FARS2: variants seen among roughly 807,000 people sequenced by gnomAD.
FARS2 encodes phenylalanine--tRNA ligase, mitochondrial.
In FARS2, 40 loss-of-function variants were observed where a neutral mutation model predicts 46.4. The ratio of observed to expected loss-of-function variants is 0.86; its 90% CI spans 0.67 to 1.12. FARS2 has a LOEUF of 1.12. Among genes scored for constraint, FARS2 ranks in the 50% most tolerant of loss-of-function variants. The pLI is 0.00. For missense variants in FARS2, 513 were observed against 567.9 expected (o/e 0.90, Z 0.98); for synonymous variants, 234 against 214.9 (o/e 1.09, Z -0.78).
chr6:5,719,442 G>GAGAGAAAGAAAGAA lies in FARS2; in HGVS notation c.1218-51840_1218-51839insAAGAAAGAGAAAGA, dbSNP rs1554129043. ...AAGAAAGAAAAAGAAAGGAAAGAAAGAGAGAAAGAGATAAAGAAAAGAGAA... is the reference window on the plus strand; with the variant it reads ...AAGAAAGAAAAAGAAAGGAAAGAAAGAGAGAAAGAAAGAAAGAGAAAGAGATAAAGAAAAGAGAA... On this transcript the variant is annotated intron_variant, in intron 6 of 6. Transcript: ENST00000274680. Among the ~76,000 whole-genome samples the GAGAGAAAGAAAGAA allele has an allele frequency of 9.7e-5, 14 of 144,674 alleles. No homozygotes were observed. The East Asian group carries it at 2.4e-3, about 25-fold the overall frequency. 94.9% of individuals were successfully genotyped at this position (144,674 alleles called of 152,430 possible).
chr6:5,665,391 G>A (rs1215316833), intron 6 of FARS2: 2 of 152,302 alleles, frequency 1.3e-5, no homozygotes, highest in Admixed American at 6.5e-5. Context: ...AGGCAGGTGT[G>A]CGGAGGTCAC....
In FARS2 at chr6:5,341,214, TATATATATATATATA is replaced by T. The variant is rs1771572784; in HGVS notation, c.-21-27335_-21-27321del. On this transcript the variant is annotated intron_variant, in intron 1 of 6. Coordinates refer to ENST00000274680, the MANE Select transcript of FARS2 (RefSeq NM_006567.5). ...ATATATATATATATATATATATATA[TATATATATATATATA>T]TATATATTTTTTTTTTTTTTTTTTT... 2.4e-3 allele frequency among the ~76,000 whole-genome samples: 22 copies of T among 9,216 alleles called. 1 individual carries two copies. Among genetic ancestry groups the T allele is most frequent in the South Asian group, 9.1e-3 (3 of 328 alleles). 6.0% of individuals were successfully genotyped at this position (9,216 alleles called of 152,430 possible). A position where few individuals can be genotyped will look rare whatever the true frequency, so the allele number is the denominator to read the frequency against.
chr6:5,414,017 C>A (rs1364557), intron 3 of FARS2, among the ~76,000 whole-genome samples: 79,587 of 151,936 alleles, frequency 0.52, 21,152 homozygotes, highest in African/African-American at 0.61. Flanking sequence ...TAAATGATGT[C>A]ATCTCACAAT....
intron 4 of FARS2, among the ~76,000 whole-genome samples, chr6:5,484,608 C>T (rs1700087855): frequency 1.3e-5 from 2 of 152,232 alleles, no homozygotes; most frequent in Admixed American, 6.5e-5. Flanking sequence ...ATACAAAATA[C>T]TGAAGTCTCA....
intron 4 of FARS2, among the ~76,000 whole-genome samples, chr6:5,528,856 C>T (rs1343759405): frequency 1.3e-5 from 2 of 152,046 alleles, no homozygotes; most frequent in African/African-American, 4.8e-5. Flanking sequence ...GACTGGAGAT[C>T]GACCAGCCAT....
chr6:5,502,208 C>A (rs1290472086), intron 4 of FARS2, among the ~76,000 whole-genome samples: 5 of 152,126 alleles, frequency 3.3e-5, no homozygotes, highest in South Asian at 2.1e-4. Context: ...GAGCCACTGG[C>A]CTTTAGTCAG....
chr6:5,723,428 A>T (rs1649841641), intron 6 of FARS2, among the ~76,000 whole-genome samples: 1 of 152,022 alleles, frequency 6.6e-6, no homozygotes, highest in African/African-American at 2.4e-5. Flanking sequence ...CACGCTGCAG[A>T]CCCTTCCAGG....
chr6:5,689,448 C>A (rs1161395195), intron 6 of FARS2, among the ~76,000 whole-genome samples: 1 of 152,102 alleles, frequency 6.6e-6, no homozygotes, highest in Admixed American at 6.6e-5. Flanking sequence ...GCCTTCATTT[C>A]GTTATGTCCC....
chr6:5,659,890 C>G (rs113525196), intron 6 of FARS2, among the ~76,000 whole-genome samples: 3 of 152,174 alleles, frequency 2.0e-5, no homozygotes, highest in Non-Finnish European at 2.9e-5. Context: ...GTTAGTTATT[C>G]GAAGGAACTT....
At chr6:5,558,532 A>T (rs1392001561) in intron 5 of FARS2, among the ~76,000 whole-genome samples, 1 of 151,680 alleles carries the variant, frequency 6.6e-6, no homozygotes, top group Non-Finnish European at 1.5e-5. Flanking sequence ...ATTTTATTTA[A>T]TTATTTATTT....
At chr6:5,613,039 G>T in intron 5 of FARS2, 130 bp from the exon 6 acceptor site, 1 of 719,792 alleles carries the variant, frequency 1.4e-6, no homozygotes, top group South Asian at 1.7e-5. Context: ...ATTTTGTTCT[G>T]CAAATTTAGA....
intron 4 of FARS2, among the ~76,000 whole-genome samples, chr6:5,496,819 T>TTTG (rs985691518): frequency 6.6e-5 from 10 of 152,252 alleles, no homozygotes; most frequent in South Asian, 2.1e-4. Context: ...ATATGAAGTT[T>TTTG]TTGTTGTTGT....
At chr6:5,340,657 A>C (rs1394716699) in intron 1 of FARS2, among the ~76,000 whole-genome samples, 2 of 152,166 alleles carry the variant, frequency 1.3e-5, no homozygotes, top group Non-Finnish European at 2.9e-5. Context: ...CAAAGATGGA[A>C]GTAGGTCTCA....
intron 4 of FARS2, among the ~76,000 whole-genome samples, chr6:5,490,699 C>G (rs772074470): frequency 6.6e-6 from 1 of 152,182 alleles, no homozygotes; most frequent in African/African-American, 2.4e-5. Context: ...TATTTATGCT[C>G]TCTTGAATCA....
At chr6:5,467,930 T>C (rs1765602643) in intron 4 of FARS2, among the ~76,000 whole-genome samples, 2 of 152,346 alleles carry the variant, frequency 1.3e-5, no homozygotes, top group South Asian at 4.1e-4. Context: ...CTTAATAACA[T>C]GGCTAACTTC....
At chr6:5,572,511 CA>C (rs1433314418) in intron 5 of FARS2, among the ~76,000 whole-genome samples, 2 of 152,102 alleles carry the variant, frequency 1.3e-5, no homozygotes, top group East Asian at 3.8e-4. Flanking sequence ...GCCTAAAAAA[CA>C]AATAGTAAGA....
intron 4 of FARS2, among the ~76,000 whole-genome samples, chr6:5,448,372 C>T (rs1341635868): frequency 2.6e-5 from 4 of 152,132 alleles, no homozygotes; most frequent in African/African-American, 9.7e-5. Flanking sequence ...CCACTGCTTT[C>T]ATGTCTGTTT....
At chr6:5,493,665 A>C (rs1468018550) in intron 4 of FARS2, among the ~76,000 whole-genome samples, 1 of 152,216 alleles carries the variant, frequency 6.6e-6, no homozygotes, top group Non-Finnish European at 1.5e-5. Context: ...TCATTTATAA[A>C]ATGGGAGCAG....
chr6:5,543,862 G>A (rs1005060814), intron 4 of FARS2, among the ~76,000 whole-genome samples: 8 of 148,966 alleles, frequency 5.4e-5, no homozygotes, highest in Non-Finnish European at 1.0e-4. Flanking sequence ...TTTGAATCTG[G>A]ATTAGTTATG....
Sources: allele counts gnomAD v4.1 joint callset (sites outside exome capture counted in the v4.1 genomes callset), GRCh38; gene constraint gnomAD v4.1.1; transcripts MANE v1.5; gene names NCBI Gene and HGNC (gene_info 2026-07-23, HGNC 2026-07-21).